The following EHBP1 variants were observed in gnomAD, a reference collection of about 807,000 sequenced individuals.
EHBP1 encodes the protein EH domain binding protein 1.
EHBP1 carries 55 observed loss-of-function variants against 144.0 expected under a neutral mutation model. That is an observed-to-expected ratio of 0.38 (90% confidence interval 0.31 to 0.48). The LOEUF is 0.48. Among genes scored for constraint, EHBP1 ranks in the 20% least tolerant of loss-of-function variants. The pLI, the probability that EHBP1 is intolerant of heterozygous loss-of-function variation, is 0.98. For missense variants in EHBP1, 1,200 were observed against 1,364.2 expected, an observed-to-expected ratio of 0.88 and a Z score of 1.90; for synonymous variants, 469 against 472.7, an observed-to-expected ratio of 0.99 and a Z score of 0.10.
intron 10 of EHBP1, among the ~76,000 whole-genome samples, chr2:62,917,560 T>C (rs17432559): frequency 0.099 from 15,124 of 152,232 alleles, 959 homozygotes; most frequent in Non-Finnish European, 0.14. Flanking sequence ...TTCAGGTATG[T>C]TCTTAATCCC....
chr2:62,925,863 A>C lies in EHBP1; in HGVS notation c.1186-16855A>C, dbSNP rs1475372380. Among the ~76,000 whole-genome samples, 6 of 152,200 alleles carry C rather than the reference A, an allele frequency of 3.9e-5. No homozygotes were observed. In the East Asian group the frequency reaches 1.2e-3, roughly 29 times the overall value. On this transcript the variant is annotated intron_variant, in intron 10 of 22. Transcript: ENST00000431489. ...CTACAGATTAAATGCAATATCTATC[A>C]AAATACCAATTACATTCTTCACAGA...
chr2:62,983,633 C>T (rs1045155045), intron 15 of EHBP1, among the ~76,000 whole-genome samples: 3 of 152,154 alleles, frequency 2.0e-5, no homozygotes, highest in Non-Finnish European at 2.9e-5. Flanking sequence ...CTCCGTCTCC[C>T]GGGTTCTAGC....
In EHBP1 at chr2:62,959,365, G is replaced by A. The variant is rs148367077; in HGVS notation, c.2460+3705G>A. ...AGTGCTAAAATCTCTTCAAGATCTT[G>A]ATTTCAGCTTTTTCTGATAAGTACC... On this transcript the variant is annotated intron_variant, in intron 14 of 22. Coordinates refer to ENST00000431489, the MANE Select transcript of EHBP1 (RefSeq NM_001142616.3). Among the ~76,000 whole-genome samples the A allele has an allele frequency of 2.6e-3, 398 of 152,276 alleles. 2 individuals carry two copies. Among genetic ancestry groups the A allele is most frequent in the African/African-American group, 8.8e-3 (365 of 41,572 alleles).
intron 10 of EHBP1, among the ~76,000 whole-genome samples, chr2:62,878,971 T>C (rs1335136681): frequency 1.3e-5 from 2 of 151,632 alleles, no homozygotes; most frequent in Non-Finnish European, 2.9e-5. Flanking sequence ...TCACCCAAGA[T>C]TGTGCCACTG....
At chr2:63,020,774 G>A (rs1271083944) in intron 19 of EHBP1, among the ~76,000 whole-genome samples, 2 of 151,632 alleles carry the variant, frequency 1.3e-5, no homozygotes, top group Non-Finnish European at 2.9e-5. Flanking sequence ...TGCCTCCCAG[G>A]TTCAAGCCAT....
At chr2:62,970,511 G>A (rs1226153178) in intron 14 of EHBP1, among the ~76,000 whole-genome samples, 1 of 152,032 alleles carries the variant, frequency 6.6e-6, no homozygotes, top group Non-Finnish European at 1.5e-5. Context: ...GTTTTGTTAA[G>A]GCTTATTTCA....
At chr2:62,817,474 A>G (rs2045530278) in intron 5 of EHBP1, among the ~76,000 whole-genome samples, 1 of 152,196 alleles carries the variant, frequency 6.6e-6, no homozygotes, top group Non-Finnish European at 1.5e-5. Flanking sequence ...AGATGGAACA[A>G]TAGCATAGTA....
intron 3 of EHBP1, among the ~76,000 whole-genome samples, chr2:62,754,900 G>T (rs1372290378): frequency 6.6e-6 from 1 of 152,202 alleles, no homozygotes; most frequent in African/African-American, 2.4e-5. Context: ...GCTTTCCTTG[G>T]CTAGGAAAGG....
At chr2:62,832,702 G>T (rs2046919597) in intron 7 of EHBP1, among the ~76,000 whole-genome samples, 1 of 152,048 alleles carries the variant, frequency 6.6e-6, no homozygotes, top group African/African-American at 2.4e-5. Context: ...ACCCATTTAA[G>T]ACAGCAAACT....
chr2:62,877,170 AG>A (rs2050955955), intron 10 of EHBP1, among the ~76,000 whole-genome samples: 2 of 152,182 alleles, frequency 1.3e-5, no homozygotes, highest in Non-Finnish European at 2.9e-5. Flanking sequence ...AAATCTACCA[AG>A]CAAACAGAAA....
intron 9 of EHBP1, among the ~76,000 whole-genome samples, chr2:62,870,272 G>A (rs1310703981): frequency 1.3e-5 from 2 of 152,006 alleles, no homozygotes; most frequent in South Asian, 2.1e-4. Context: ...TTTTATAAGG[G>A]GCATTGGTGA....
At chr2:62,870,715 CAAAAA>C (rs57276181) in intron 9 of EHBP1, among the ~76,000 whole-genome samples, 1 of 90,280 alleles carries the variant, frequency 1.1e-5, no homozygotes. Context: ...GACTGCATCT[CAAAAA>C]AAAAAAAAAA....
intron 5 of EHBP1, among the ~76,000 whole-genome samples, chr2:62,824,792 A>G (rs1198682047): frequency 9.2e-5 from 14 of 151,986 alleles, no homozygotes; most frequent in Non-Finnish European, 2.9e-5. Context: ...GGGTAGAAAT[A>G]TCAGGGTTTT....
chr2:62,725,450 C>T (rs1013952352), intron 2 of EHBP1, among the ~76,000 whole-genome samples: 6 of 152,288 alleles, frequency 3.9e-5, no homozygotes, highest in Middle Eastern at 3.4e-3. Flanking sequence ...TGCATGCCGT[C>T]ATGCTGGTGG....
chr2:63,044,327 T>C (rs2061836120), intron 21 of EHBP1: 1 of 150,896 alleles, frequency 6.6e-6, no homozygotes, highest in Non-Finnish European at 1.5e-5. Context: ...TTTCCAACCT[T>C]TAACATAGGG....
At chr2:62,939,978 A>G in intron 10 of EHBP1, 1 of 288,912 alleles carries the variant, frequency 3.5e-6, no homozygotes, top group Non-Finnish European at 6.8e-6. Context: ...AGAGGTGGTG[A>G]TTCACTGAAT....
chr2:62,806,982 C>T (rs951876861), intron 5 of EHBP1, among the ~76,000 whole-genome samples: 1 of 152,150 alleles, frequency 6.6e-6, no homozygotes, highest in African/African-American at 2.4e-5. Context: ...CCAGGACCCC[C>T]TGCAGAACCC....
intron 10 of EHBP1, among the ~76,000 whole-genome samples, chr2:62,883,991 A>G (rs2051702442): frequency 6.6e-6 from 1 of 152,200 alleles, no homozygotes; most frequent in Admixed American, 6.5e-5. Context: ...AAATATTAAT[A>G]ATAGACTGCT....
chr2:62,774,649 G>A (rs1436696040), intron 5 of EHBP1, among the ~76,000 whole-genome samples: 1 of 152,070 alleles, frequency 6.6e-6, no homozygotes, highest in African/African-American at 2.4e-5. Flanking sequence ...TTCAAGACCA[G>A]CCTGGGCAAC....
Sources: allele counts gnomAD v4.1 joint callset (sites outside exome capture counted in the v4.1 genomes callset), GRCh38; gene constraint gnomAD v4.1.1; transcripts MANE v1.5; gene names NCBI Gene and HGNC (gene_info 2026-07-23, HGNC 2026-07-21).